Variants in FAF1 observed in about 807,000 individuals in gnomAD.
FAF1 encodes FAS-associated factor 1.
Under a neutral mutation model 92.5 loss-of-function variants are expected in FAF1, and 25 were observed. The ratio of observed to expected loss-of-function variants is 0.27; its 90% confidence interval spans 0.20 to 0.38. The LOEUF (loss-of-function observed/expected upper bound fraction) is 0.38, where lower values mean the gene tolerates loss of function less well. Ranked by LOEUF, FAF1 falls within the 10% of genes least tolerant of loss-of-function variation. The pLI is 1.00. For missense variants in FAF1, 636 were observed against 793.3 expected (o/e 0.80, Z 2.38); for synonymous variants, 234 against 273.2 (o/e 0.86, Z 1.42).
chr1:50,613,794 AAAAC>A (rs1285663150), intron 8 of FAF1, among the ~76,000 whole-genome samples: 3 of 151,954 alleles, frequency 2.0e-5, no homozygotes, highest in African/African-American at 4.8e-5. Flanking sequence ...TTATATTAAA[AAAAC>A]AAACAAACAA....
intron 15 of FAF1, among the ~76,000 whole-genome samples, chr1:50,533,376 C>T (rs968070548): frequency 6.6e-6 from 1 of 152,110 alleles, no homozygotes; most frequent in African/African-American, 2.4e-5. Flanking sequence ...GAGCCCTGGC[C>T]AGGTTTTATA....
chr1:50,469,097 T>G (rs1199147660), intron 18 of FAF1, among the ~76,000 whole-genome samples: 1 of 151,220 alleles, frequency 6.6e-6, no homozygotes, highest in Non-Finnish European at 1.5e-5. Context: ...TGCTATTTAC[T>G]TTTTTTTGAA....
intron 9 of FAF1, among the ~76,000 whole-genome samples, chr1:50,587,629 A>C (rs1039284227): frequency 1.3e-5 from 2 of 152,222 alleles, no homozygotes; most frequent in Admixed American, 1.3e-4. Flanking sequence ...AAAAACAGCT[A>C]AAAAATTAGT....
At chr1:50,632,922 T>G (rs540617101) in intron 8 of FAF1, among the ~76,000 whole-genome samples, 1 of 152,322 alleles carries the variant, frequency 6.6e-6, no homozygotes, top group African/African-American at 2.4e-5. Flanking sequence ...GCTTTCCTTC[T>G]CAGTGTTCTT....
chr1:50,444,843 G>A (rs1240295966), intron 18 of FAF1, among the ~76,000 whole-genome samples: 1 of 151,856 alleles, frequency 6.6e-6, no homozygotes, highest in Non-Finnish European at 1.5e-5. Flanking sequence ...TTCATACTCA[G>A]GTCTGACTCT....
intron 15 of FAF1, among the ~76,000 whole-genome samples, chr1:50,520,750 CAGG>C (rs1288147927): frequency 1.3e-5 from 2 of 152,106 alleles, no homozygotes; most frequent in Admixed American, 6.6e-5. Flanking sequence ...GGGAGGGAGG[CAGG>C]AGGATTGCTT....
At chr1:50,904,339 G>T (rs1472263350) in intron 1 of FAF1, among the ~76,000 whole-genome samples, 1 of 152,158 alleles carries the variant, frequency 6.6e-6, no homozygotes, top group Middle Eastern at 3.2e-3. Flanking sequence ...AAGTAGAATG[G>T]TGGCTGCCAG....
chr1:50,765,866 G>A (rs1203425256), intron 4 of FAF1, among the ~76,000 whole-genome samples: 1 of 152,154 alleles, frequency 6.6e-6, no homozygotes, highest in East Asian at 1.9e-4. Context: ...TGAGGCAGGT[G>A]GATGACCTGA....
chr1:50,494,552 T>C (rs991868382), intron 15 of FAF1, among the ~76,000 whole-genome samples: 1 of 152,200 alleles, frequency 6.6e-6, no homozygotes, highest in African/African-American at 2.4e-5. Context: ...ATTCAAACAC[T>C]CCTTGCCACA....
At chr1:50,800,552 A>G (rs1331143428) in intron 3 of FAF1, among the ~76,000 whole-genome samples, 1 of 152,226 alleles carries the variant, frequency 6.6e-6, no homozygotes. Context: ...TTTACTCTGG[A>G]TGAAAATCTT....
chr1:50,845,151 C>A lies in FAF1; in HGVS notation c.114+12778G>T, dbSNP rs2124649451. On this transcript the variant is annotated intron_variant, in intron 2 of 18. Coordinates refer to ENST00000396153, the MANE Select transcript of FAF1 (RefSeq NM_007051.3). ...AAAAAAGAAAAATCTCTTTAGATAT[C>A]TCTCTCCTTTAAAGTAAGCATGATA... Among the ~76,000 whole-genome samples the A allele has an allele frequency of 1.3e-5, 2 of 152,266 alleles. 1 individual carries two copies. Among genetic ancestry groups the A allele is most frequent in the Middle Eastern group, 6.8e-3 (2 of 294 alleles).
chr1:50,838,163 G>T (rs548277855), intron 2 of FAF1, among the ~76,000 whole-genome samples: 1 of 152,102 alleles, frequency 6.6e-6, no homozygotes, highest in East Asian at 1.9e-4. Context: ...TATCACAACA[G>T]GATGGTTTTA....
chr1:50,749,362 TAA>T (rs1343428412), intron 4 of FAF1, among the ~76,000 whole-genome samples: 22 of 152,150 alleles, frequency 1.4e-4, no homozygotes, highest in Admixed American at 1.4e-3. Flanking sequence ...GAAGGGACTT[TAA>T]CTTAAAGTCC....
intron 1 of FAF1, among the ~76,000 whole-genome samples, chr1:50,881,960 G>C (rs2124689381): frequency 6.6e-6 from 1 of 152,230 alleles, no homozygotes; most frequent in East Asian, 1.9e-4. Context: ...CTCTTCAGTT[G>C]ATGTATTTGG....
At chr1:50,881,309 C>A (rs1162049112) in intron 1 of FAF1, among the ~76,000 whole-genome samples, 1 of 152,140 alleles carries the variant, frequency 6.6e-6, no homozygotes, top group African/African-American at 2.4e-5. Flanking sequence ...ATCTACTGAA[C>A]TTCTCTGGCA....
rs139769004 is a variant in FAF1 at position 50,612,747 on chromosome 1, T to C, written c.745-16531A>G. 1.1e-3 allele frequency among the ~76,000 whole-genome samples: 172 copies of C among 152,328 alleles called. 3 individuals are homozygous for C. In the East Asian group the frequency reaches 0.026, roughly 23 times the overall value. The stretch of plus-strand genomic sequence containing the variant: ...AGGAAAAAAGAGTCTGAATTAACTA[T>C]ACCATGTTAGGCACACCAGCATAAA... On this transcript the variant is annotated intron_variant, in intron 8 of 18. Transcript: ENST00000396153.
At chr1:50,598,709 G>A (rs142358101) in intron 8 of FAF1, among the ~76,000 whole-genome samples, 4,690 of 152,236 alleles carry the variant, frequency 0.031, 255 homozygotes, top group African/African-American at 0.11. Flanking sequence ...GGTGGCTCAC[G>A]CCTGTAATCT....
chr1:50,506,166 T>C (rs374535204), intron 15 of FAF1, among the ~76,000 whole-genome samples: 4 of 152,230 alleles, frequency 2.6e-5, no homozygotes, highest in Admixed American at 6.5e-5. Context: ...TTTCTAATTA[T>C]AGACACAAAA....
chr1:50,499,955 A>C lies in FAF1; in HGVS notation c.1495-8154T>G, dbSNP rs559910529. On this transcript the variant is annotated intron_variant, in intron 15 of 18. Transcript: ENST00000396153. ...ATATGAAATACTTGGGGATAGATTT[A>C]ACAAAAGATGCAAACAATCTGTATG... Among the ~76,000 whole-genome samples, 4 of 152,354 alleles carry C rather than the reference A, an allele frequency of 2.6e-5. No homozygotes were observed. The East Asian group carries it at 7.7e-4, about 29-fold the overall frequency.
Sources: allele counts gnomAD v4.1 joint callset (sites outside exome capture counted in the v4.1 genomes callset), GRCh38; gene constraint gnomAD v4.1.1; transcripts MANE v1.5; gene names NCBI Gene and HGNC (gene_info 2026-07-23, HGNC 2026-07-21).